Variants in NRG3 observed in about 807,000 individuals in gnomAD.
The protein encoded by NRG3 is neuregulin 3, also known as pro-neuregulin-3, membrane-bound isoform.
In NRG3, 31 loss-of-function variants were observed where a neutral mutation model predicts 66.9. The observed-to-expected ratio is 0.46, with a 90% CI of 0.35 to 0.63. The LOEUF is 0.63. Ranked by LOEUF, NRG3 falls within the 20% of genes least tolerant of loss-of-function variation. The pLI, the probability that NRG3 is intolerant of heterozygous loss-of-function variation, is 0.00. For synonymous variants in NRG3, 393 were observed against 359.4 expected (o/e 1.09, Z -1.06); for missense variants, 910 against 878.9 (o/e 1.04, Z -0.45).
intron 2 of NRG3, among the ~76,000 whole-genome samples, chr10:82,689,587 T>G (rs945601731): frequency 1.2e-4 from 19 of 152,300 alleles, no homozygotes; most frequent in South Asian, 2.1e-4. Flanking sequence ...CAAATCCTTA[T>G]AGCATAACAC....
intron 2 of NRG3, among the ~76,000 whole-genome samples, chr10:82,424,181 T>C (rs560132072): frequency 6.6e-6 from 1 of 152,156 alleles, no homozygotes; most frequent in Non-Finnish European, 1.5e-5. Flanking sequence ...CTGGATCACA[T>C]GGTAATTCTG....
intron 2 of NRG3, among the ~76,000 whole-genome samples, chr10:82,549,085 A>T (rs1474015774): frequency 6.6e-6 from 1 of 152,194 alleles, no homozygotes; most frequent in Non-Finnish European, 1.5e-5. Flanking sequence ...TCCAGCATTT[A>T]CAAGTTGTAG....
intron 2 of NRG3, among the ~76,000 whole-genome samples, chr10:82,492,840 A>G (rs1234933660): frequency 1.3e-5 from 2 of 152,214 alleles, no homozygotes; most frequent in African/African-American, 2.4e-5. Context: ...GATCTCTCTA[A>G]TGTTAGGCAC....
intron 1 of NRG3, among the ~76,000 whole-genome samples, chr10:82,052,548 A>G (rs529870066): frequency 3.9e-5 from 6 of 152,208 alleles, no homozygotes; most frequent in Non-Finnish European, 7.3e-5. Context: ...ATTGTTCTCA[A>G]TAGTGACTGA....
chr10:82,130,500 G>A (rs900696001), intron 1 of NRG3, among the ~76,000 whole-genome samples: 1 of 152,086 alleles, frequency 6.6e-6, no homozygotes, highest in Non-Finnish European at 1.5e-5. Context: ...CAATAAACAT[G>A]GGTGTGTGGA....
chr10:82,718,058 A>T (rs2057082853), intron 2 of NRG3, among the ~76,000 whole-genome samples: 1 of 152,194 alleles, frequency 6.6e-6, no homozygotes, highest in Admixed American at 6.5e-5. Flanking sequence ...TTCATTTTCA[A>T]TGTCTCTGTT....
chr10:82,938,867 A>G (rs908874989), intron 4 of NRG3, among the ~76,000 whole-genome samples: 1 of 152,214 alleles, frequency 6.6e-6, no homozygotes, highest in Non-Finnish European at 1.5e-5. Context: ...TTGCCAATGA[A>G]CAGTGAATCC....
chr10:82,971,301 A>G (rs182441919), intron 6 of NRG3, among the ~76,000 whole-genome samples: 4 of 152,286 alleles, frequency 2.6e-5, no homozygotes, highest in Non-Finnish European at 1.5e-5. Context: ...CTTTATCAAA[A>G]TCTAAAAATA....
chr10:82,184,492 C>T (rs2073667307), intron 1 of NRG3, among the ~76,000 whole-genome samples: 1 of 152,222 alleles, frequency 6.6e-6, no homozygotes, highest in African/African-American at 2.4e-5. Context: ...CTTTTGAAGG[C>T]ATGCTCAAAG....
chr10:81,936,272 A>G (rs1044311393), intron 1 of NRG3, among the ~76,000 whole-genome samples: 4 of 152,176 alleles, frequency 2.6e-5, no homozygotes, highest in South Asian at 2.1e-4. Context: ...CTTGGATAAA[A>G]TCTCTGAGTT....
chr10:81,900,120 T>C (rs939510252), intron 1 of NRG3, among the ~76,000 whole-genome samples: 22 of 152,266 alleles, frequency 1.4e-4, no homozygotes, highest in African/African-American at 4.8e-4. Flanking sequence ...CTAATTTTTT[T>C]GTATTTTTAG....
chr10:82,897,883 G>A (rs1439364557), intron 4 of NRG3, among the ~76,000 whole-genome samples: 2 of 152,180 alleles, frequency 1.3e-5, no homozygotes, highest in African/African-American at 2.4e-5. Context: ...ATTAAATGAT[G>A]AGGTGATTAA....
At chr10:82,629,819 C>G (rs994064487) in intron 2 of NRG3, among the ~76,000 whole-genome samples, 1 of 152,100 alleles carries the variant, frequency 6.6e-6, no homozygotes. Context: ...ACTGAAGGAA[C>G]CTTCAGATAG....
At chr10:82,584,134 T>C (rs893074855) in intron 2 of NRG3, among the ~76,000 whole-genome samples, 4 of 152,204 alleles carry the variant, frequency 2.6e-5, no homozygotes, top group African/African-American at 9.6e-5. Flanking sequence ...TTGCCCAGGC[T>C]GGAGCGCAGT....
At chr10:82,322,595 C>T (rs1376019582) in intron 1 of NRG3, among the ~76,000 whole-genome samples, 1 of 151,826 alleles carries the variant, frequency 6.6e-6, no homozygotes, top group African/African-American at 2.4e-5. Context: ...TATTCAATGG[C>T]ACATATAACC....
intron 1 of NRG3, among the ~76,000 whole-genome samples, chr10:82,288,790 G>A (rs1031710096): frequency 3.9e-5 from 6 of 152,280 alleles, no homozygotes; most frequent in African/African-American, 1.2e-4. Context: ...CTGGCACATC[G>A]GAGCATGCTG....
chr10:82,477,531 G>A (rs1274749177), intron 2 of NRG3, among the ~76,000 whole-genome samples: 1 of 152,088 alleles, frequency 6.6e-6, no homozygotes, highest in Non-Finnish European at 1.5e-5. Flanking sequence ...GACCACTTAT[G>A]CTATAGAGAG....
intron 1 of NRG3, among the ~76,000 whole-genome samples, chr10:82,150,971 G>A (rs1051856203): frequency 2.0e-5 from 3 of 152,088 alleles, no homozygotes; most frequent in Non-Finnish European, 4.4e-5. Context: ...GCCTTGTTAG[G>A]AAAAAAGAAA....
chr10:81,995,580 G>C (rs2060907639), intron 1 of NRG3, among the ~76,000 whole-genome samples: 2 of 152,196 alleles, frequency 1.3e-5, no homozygotes, highest in African/African-American at 4.8e-5. Context: ...CTTACTGATG[G>C]AAAAGGCTCC....
Sources: allele counts gnomAD v4.1 joint callset (sites outside exome capture counted in the v4.1 genomes callset), GRCh38; gene constraint gnomAD v4.1.1; transcripts MANE v1.5; gene names NCBI Gene and HGNC (gene_info 2026-07-23, HGNC 2026-07-21).